Variants in PARD3 observed in about 807,000 individuals in gnomAD.
PARD3 encodes the protein partitioning defective 3 homolog.
In PARD3, 75 loss-of-function variants were observed where a neutral mutation model predicts 155.4. The ratio of observed to expected loss-of-function variants is 0.48; its 90% CI spans 0.40 to 0.58. PARD3 has a LOEUF of 0.58. Ranked by LOEUF, PARD3 falls within the 20% of genes least tolerant of loss-of-function variation. The pLI is 0.00. For synonymous variants in PARD3, 576 were observed against 610.5 expected (o/e 0.94, Z 0.83); for missense variants, 1,642 against 1,721.7 (o/e 0.95, Z 0.82).
intron 4 of PARD3, among the ~76,000 whole-genome samples, chr10:34,453,282 T>C (rs552150959): frequency 1.3e-4 from 20 of 152,366 alleles, no homozygotes; most frequent in Non-Finnish European, 2.6e-4. Context: ...AAGCATTCCC[T>C]GATTCTCAAT....
intron 3 of PARD3, 76 bp downstream of exon 3, chr10:34,516,903 G>T: frequency 7.4e-7 from 1 of 1,342,888 alleles, no homozygotes; most frequent in Non-Finnish European, 1.1e-6. Flanking sequence ...CATTTACAGG[G>T]TCATGGATGA....
chr10:34,640,734 A>C (rs1039436501), intron 2 of PARD3, among the ~76,000 whole-genome samples: 1 of 145,172 alleles, frequency 6.9e-6, no homozygotes, highest in African/African-American at 2.6e-5. Flanking sequence ...AAAAAAAAAA[A>C]AAGCACTTTT....
chr10:34,142,051 G>A (rs1198947060), intron 22 of PARD3, among the ~76,000 whole-genome samples: 1 of 152,172 alleles, frequency 6.6e-6, no homozygotes, highest in South Asian at 2.1e-4. Flanking sequence ...GTGAGAATGT[G>A]TGTTAAGAGC....
chr10:34,601,484 A>G (rs1274160535), intron 2 of PARD3, among the ~76,000 whole-genome samples: 1 of 152,176 alleles, frequency 6.6e-6, no homozygotes, highest in Non-Finnish European at 1.5e-5. Flanking sequence ...TCAAATTAGC[A>G]TATTAGGTTA....
rs374543761 is a variant in PARD3, at chr10:34,388,566, A to G, written c.891-4312T>C. Among the ~76,000 whole-genome samples the G allele has an allele frequency of 6.6e-5, 10 of 152,318 alleles. No individual in the cohort carries two copies. The East Asian group carries it at 1.9e-3, about 29-fold the overall frequency. The stretch of plus-strand genomic sequence containing the variant: ...TTTAGGGATATATTTTGCAAACTCA[A>G]CTAGAAATCAGAATTTGTTCTAAAG... On this transcript the variant is annotated intron_variant, in intron 7 of 24. Coordinates refer to ENST00000374788, the MANE Select transcript of PARD3 (RefSeq NM_001184785.2).
intron 22 of PARD3, among the ~76,000 whole-genome samples, chr10:34,208,925 T>C (rs756115675): frequency 2.6e-5 from 4 of 152,238 alleles, no homozygotes; most frequent in Non-Finnish European, 5.9e-5. Context: ...ACAGACATGT[T>C]AGAATTACTC....
chr10:34,299,369 C>T (rs1215356351), intron 20 of PARD3, among the ~76,000 whole-genome samples: 1 of 152,214 alleles, frequency 6.6e-6, no homozygotes, highest in Admixed American at 6.5e-5. Flanking sequence ...TATTTGGGTA[C>T]TCTCCAGTTG....
intron 2 of PARD3, among the ~76,000 whole-genome samples, chr10:34,552,391 C>T (rs772755386): frequency 2.0e-5 from 3 of 152,238 alleles, no homozygotes; most frequent in Non-Finnish European, 4.4e-5. Context: ...ACAGCCACCA[C>T]ACCCAGCCTA....
intron 22 of PARD3, among the ~76,000 whole-genome samples, chr10:34,163,825 T>A (rs577135407): frequency 6.6e-6 from 1 of 152,284 alleles, no homozygotes; most frequent in South Asian, 2.1e-4. Context: ...ACAGCAAGGA[T>A]CTACTGGAAG....
At position 34,605,739 on chromosome 10, in the gene PARD3, CTATA is replaced by C. The variant is rs1201482214; in HGVS notation, c.223-88584_223-88581del. ...TATATATCTCCTATATATATATCTCCTATATATATATATATCTCCTATATATATA... is the reference window on the plus strand; with the variant it reads ...TATATATCTCCTATATATATATCTCCTATATATATATCTCCTATATATATA... On this transcript the variant is annotated intron_variant, in intron 2 of 24. Transcript: ENST00000374788. Among the ~76,000 whole-genome samples the C allele has an allele frequency of 2.7e-3, 3 of 1,098 alleles. 1 individual carries two copies. Among genetic ancestry groups the C allele is most frequent in the Non-Finnish European group, 4.1e-3 (3 of 724 alleles). The allele number at this position is 1,098 out of a possible 152,430, so 0.7% of individuals were successfully genotyped here.
At chr10:34,186,331 G>A (rs1950493049) in intron 22 of PARD3, among the ~76,000 whole-genome samples, 1 of 146,244 alleles carries the variant, frequency 6.8e-6, no homozygotes, top group Admixed American at 7.0e-5. Context: ...CTGCACTCCA[G>A]CCTGGGTGAC....
At chr10:34,345,968 G>A (rs1050267617) in intron 15 of PARD3, 15 of 983,434 alleles carry the variant, frequency 1.5e-5, no homozygotes, top group African/African-American at 1.7e-5. Context: ...CCTAGTTTCC[G>A]TTACAAATTG....
intron 22 of PARD3, among the ~76,000 whole-genome samples, chr10:34,250,149 C>T (rs572813090): frequency 2.8e-5 from 4 of 142,712 alleles, no homozygotes; most frequent in East Asian, 3.9e-4. Context: ...GAAAACTGCT[C>T]CCCCTCCACA....
At chr10:34,329,452 G>T (rs548848263) in intron 19 of PARD3, among the ~76,000 whole-genome samples, 65 of 152,100 alleles carry the variant, frequency 4.3e-4, no homozygotes, top group Non-Finnish European at 7.4e-5. Context: ...TATTGATTAG[G>T]ATGGCAAGGA....
At chr10:34,400,285 C>T (rs1427008770) in intron 6 of PARD3, among the ~76,000 whole-genome samples, 2 of 152,144 alleles carry the variant, frequency 1.3e-5, no homozygotes, top group African/African-American at 4.8e-5. Flanking sequence ...TATGACATAA[C>T]ATGAAGTTAC....
At chr10:34,628,984 GT>G (rs904925543) in intron 2 of PARD3, among the ~76,000 whole-genome samples, 59 of 152,152 alleles carry the variant, frequency 3.9e-4, no homozygotes, top group African/African-American at 1.3e-3. Flanking sequence ...CTATAAATGG[GT>G]AAAAGAATAG....
At chr10:34,130,467 C>T (rs1947548221) in intron 23 of PARD3, among the ~76,000 whole-genome samples, 1 of 152,204 alleles carries the variant, frequency 6.6e-6, no homozygotes, top group African/African-American at 2.4e-5. Context: ...GCTGCCTGGA[C>T]TTCCTAATAC....
At chr10:34,475,761 G>A (rs989215059) in intron 3 of PARD3, among the ~76,000 whole-genome samples, 2 of 152,162 alleles carry the variant, frequency 1.3e-5, no homozygotes, top group African/African-American at 2.4e-5. Context: ...TGGGACATAA[G>A]TTTTCCAAAA....
At chr10:34,514,585 A>AC (rs1372136690) in intron 3 of PARD3, among the ~76,000 whole-genome samples, 5 of 152,192 alleles carry the variant, frequency 3.3e-5, no homozygotes, top group Admixed American at 1.3e-4. Context: ...GAAAATCTAA[A>AC]CCTTAGCATA....
Sources: allele counts gnomAD v4.1 joint callset (sites outside exome capture counted in the v4.1 genomes callset), GRCh38; gene constraint gnomAD v4.1.1; transcripts MANE v1.5; gene names NCBI Gene and HGNC (gene_info 2026-07-23, HGNC 2026-07-21).